The following ITGAV variants were observed in gnomAD, a reference collection of about 807,000 sequenced individuals.
The protein encoded by ITGAV is integrin alpha-V.
In ITGAV, 76 loss-of-function variants were observed where a neutral mutation model predicts 143.8. That is an observed-to-expected ratio of 0.53 (90% CI 0.44 to 0.64). The LOEUF (loss-of-function observed/expected upper bound fraction) is 0.64. Among genes scored for constraint, ITGAV ranks in the 30% least tolerant of loss-of-function variants. ITGAV has a pLI of 0.00. For synonymous variants in ITGAV, 453 were observed against 446.7 expected (o/e 1.01, Z -0.18); for missense variants, 1,193 against 1,274.7 (o/e 0.94, Z 0.98).
chr2:186,656,140 ATT>A, intron 16 of ITGAV, 105 bp from the exon 17 acceptor site: 3 of 729,048 alleles, frequency 4.1e-6, no homozygotes, highest in Non-Finnish European at 6.7e-6. Context: ...ATTAGAAGCA[ATT>A]TACTTCTTAA....
intron 20 of ITGAV, 45 bp from the exon 21 acceptor site, chr2:186,665,081 T>C: frequency 8.3e-6 from 10 of 1,207,172 alleles, no homozygotes; most frequent in Non-Finnish European, 1.2e-5. Context: ...TGATACTTTA[T>C]TTCCTTTCAT....
chr2:186,648,480 T>C (rs918261797), intron 13 of ITGAV, among the ~76,000 whole-genome samples: 1 of 152,214 alleles, frequency 6.6e-6, no homozygotes, highest in African/African-American at 2.4e-5. Context: ...GATTCTTTTT[T>C]TTGAGATGAA....
At chr2:186,628,264 T>G in intron 4 of ITGAV, among the ~76,000 whole-genome samples, 1 of 152,168 alleles carries the variant, frequency 6.6e-6, no homozygotes, top group East Asian at 1.9e-4. Flanking sequence ...TTTTAATAAC[T>G]TTGCTTGTCT....
chr2:186,590,249 C>CGA lies in ITGAV; in HGVS notation c.-90_-89insGA, dbSNP rs1686572872. On this transcript the variant is annotated 5_prime_UTR_variant, in exon 1 of 30. Transcript: ENST00000261023. Reference sequence around the variant, plus strand: ...AGCGGCCGGCAAGTTTGGGCGCGCGCAGGCGGCGGGCCGCGGGCACTGGGC... The same window carrying CGA: ...AGCGGCCGGCAAGTTTGGGCGCGCGCGAAGGCGGCGGGCCGCGGGCACTGGGC... 8.6e-7 allele frequency: 1 copy of CGA among 1,163,846 alleles called. No individual in the cohort carries two copies. Among genetic ancestry groups the CGA allele is most frequent in the Admixed American group, 4.2e-5 (1 of 23,658 alleles). 72.1% of individuals were successfully genotyped at this position (1,163,846 alleles called of 1,614,324 possible). A position where few individuals can be genotyped will look rare whatever the true frequency, so the allele number is the denominator to read the frequency against.
chr2:186,634,886 A>T (rs973795414), intron 6 of ITGAV, among the ~76,000 whole-genome samples: 3 of 152,130 alleles, frequency 2.0e-5, no homozygotes, highest in African/African-American at 7.2e-5. Context: ...TCTGATGAGC[A>T]TGCCTGGGAA....
intron 3 of ITGAV, among the ~76,000 whole-genome samples, chr2:186,625,005 CTT>C (rs1353390682): frequency 1.3e-5 from 2 of 151,626 alleles, no homozygotes; most frequent in East Asian, 3.9e-4. Context: ...GAGAAAAAGA[CTT>C]CACTTAATAT....
At chr2:186,658,125 A>G (rs1461111986) in intron 17 of ITGAV, among the ~76,000 whole-genome samples, 1 of 152,186 alleles carries the variant, frequency 6.6e-6, no homozygotes, top group African/African-American at 2.4e-5. Context: ...AAAAAGATAC[A>G]TAAACCAAGT....
chr2:186,636,939 TA>T, intron 7 of ITGAV, 125 bp from the exon 8 acceptor site: 4 of 737,950 alleles, frequency 5.4e-6, no homozygotes, highest in Admixed American at 4.1e-5. Context: ...CTGTTATGAC[TA>T]GGGGACAAAA....
chr2:186,676,462 G>C (rs1158421266), intron 28 of ITGAV, among the ~76,000 whole-genome samples: 1 of 152,134 alleles, frequency 6.6e-6, no homozygotes, highest in African/African-American at 2.4e-5. Flanking sequence ...AAATTAGCTG[G>C]GTATAGTGGC....
chr2:186,636,931 G>T, intron 7 of ITGAV, 134 bp from the exon 8 acceptor site: 1 of 687,952 alleles, frequency 1.5e-6, no homozygotes, highest in Non-Finnish European at 2.6e-6. Flanking sequence ...ATATGAATCT[G>T]TTATGACTAG....
At chr2:186,634,277 A>G (rs1443066447) in intron 6 of ITGAV, among the ~76,000 whole-genome samples, 1 of 140,018 alleles carries the variant, frequency 7.1e-6, no homozygotes, top group Non-Finnish European at 1.6e-5. Context: ...TCATCAATAT[A>G]TTGACATGTT....
rs1688378528 is a variant in ITGAV, at chr2:186,649,948, A to G, written c.1397+63A>G. The G allele has an allele frequency of 3.7e-6, 4 of 1,071,594 alleles. No homozygotes were observed. In the South Asian group the frequency reaches 6.4e-5, roughly 17 times the overall value. 66.4% of individuals were successfully genotyped at this position (1,071,594 alleles called of 1,614,324 possible). A position where few individuals can be genotyped will look rare whatever the true frequency, so the allele number is the denominator to read the frequency against. On this transcript the variant is annotated intron_variant, in intron 14 of 29. Transcript: ENST00000261023. ...TGAATTATTTGAACGTTTTTTAATT[A>G]AGTGTCAGTGTTTGAATTTTAGTTT...
chr2:186,633,364 T>C lies in ITGAV; in HGVS notation c.621T>C (p.Phe207=), dbSNP rs1318459353. The change falls in exon 6 of 30, where the codon TTT becomes TTC. Residue 207 remains phenylalanine, a synonymous_variant. Coordinates refer to ENST00000261023, the MANE Select transcript of ITGAV (RefSeq NM_002210.5). ...DRVLLGGPGS[F]YWQGQLISDQ... ...TACTTCTTGGTGGTCCTGGTAGCTT[T>C]TATTGGCAAGGTAGGTTAATATTTT... 1 of 1,588,050 alleles carries C rather than the reference T, an allele frequency of 6.3e-7. No individual in the cohort carries two copies. The highest frequency in any genetic ancestry group is 8.6e-7 in the Non-Finnish European group (1 of 1,161,096).
intron 29 of ITGAV, 79 bp downstream of exon 29, chr2:186,677,014 AGTAAG>A (rs1689232319): frequency 4.1e-6 from 6 of 1,475,896 alleles, no homozygotes; most frequent in Non-Finnish European, 5.6e-6. Flanking sequence ...AAGAATGAAA[AGTAAG>A]GGAAGGAAGA....
intron 1 of ITGAV, among the ~76,000 whole-genome samples, chr2:186,590,961 C>CGAAA (rs1233755282): frequency 6.6e-6 from 1 of 151,704 alleles, no homozygotes; most frequent in Non-Finnish European, 1.5e-5. Context: ...CCGTCCTTTT[C>CGAAA]AGTCTCCCTA....
chr2:186,643,835 T>A (rs576709415), intron 12 of ITGAV, among the ~76,000 whole-genome samples: 54 of 152,344 alleles, frequency 3.5e-4, no homozygotes, highest in Non-Finnish European at 2.1e-4. Context: ...AGAAGATGAT[T>A]AACATGTATA....
intron 12 of ITGAV, 117 bp from the exon 13 acceptor site, chr2:186,646,569 C>G (rs961413148): frequency 1.3e-5 from 8 of 623,942 alleles, no homozygotes; most frequent in Non-Finnish European, 1.9e-5. Context: ...CTGAAACTTT[C>G]TTCTCTTCAT....
At chr2:186,644,976 G>A (rs61765186) in intron 12 of ITGAV, among the ~76,000 whole-genome samples, 27,847 of 152,124 alleles carry the variant, frequency 0.18, 2,707 homozygotes, top group Non-Finnish European at 0.22. Flanking sequence ...GAGACAGCTC[G>A]TGTACATTAA....
intron 17 of ITGAV, 95 bp from the exon 18 acceptor site, chr2:186,658,943 G>A (rs888995462): frequency 9.8e-5 from 76 of 772,314 alleles, no homozygotes; most frequent in Non-Finnish European, 1.4e-4. Context: ...GAAGGCTCAG[G>A]GATGAATACA....
Sources: gnomAD v4.1 joint callset for allele counts (sites outside exome capture counted in the v4.1 genomes callset) on GRCh38, gnomAD v4.1.1 for gene constraint, MANE v1.5 for transcripts, NCBI Gene and HGNC (gene_info 2026-07-23, HGNC 2026-07-21) for gene names.